Variants in RAD51AP1 observed in about 807,000 individuals in gnomAD.
RAD51AP1 encodes RAD51-associated protein 1.
A neutral mutation model predicts 34.3 loss-of-function variants in RAD51AP1; 14 were observed. The ratio of observed to expected loss-of-function variants is 0.41; its 90% CI spans 0.27 to 0.64. The LOEUF (loss-of-function observed/expected upper bound fraction) is 0.64, where lower values mean the gene tolerates loss of function less well. Among genes scored for constraint, RAD51AP1 ranks in the 30% least tolerant of loss-of-function variants. The pLI, the probability that RAD51AP1 is intolerant of heterozygous loss-of-function variation, is 0.33. For synonymous variants in RAD51AP1, 114 were observed against 129.8 expected (o/e 0.88, Z 0.83); for missense variants, 348 against 386.9 (o/e 0.90, Z 0.84).
At chr12:4,548,616 T>G (rs1944523808) in intron 5 of RAD51AP1, 71 bp from the exon 6 acceptor site, 2 of 1,503,032 alleles carry the variant, frequency 1.3e-6, no homozygotes, top group African/African-American at 2.8e-5. Context: ...TGTAATAGAG[T>G]CTGGTCTGCA....
Position 4,541,870 on chromosome 12 carries a change from T to C in RAD51AP1, c.18-14T>C, listed in dbSNP as rs753521047. 2.1e-6 allele frequency: 3 copies of C among 1,422,526 alleles called. No individual in the cohort carries two copies. The highest frequency in any genetic ancestry group is 2.8e-6 in the Non-Finnish European group (3 of 1,070,580). The allele number at this position is 1,422,526 out of a possible 1,614,324, so 88.1% of individuals were successfully genotyped here. A position where few individuals can be genotyped will look rare whatever the true frequency, so the allele number is the denominator to read the frequency against. On this transcript the variant is annotated splice_polypyrimidine_tract_variant and intron_variant, in intron 1 of 8. Transcript: ENST00000352618. ...GACATTTGTGTTAATGAAAAAATTC[T>C]GTTTTGGTCATAGACATAAGAAACC... is the stretch of plus-strand genomic sequence containing the variant.
At chr12:4,545,372 C>T (rs963563546) in intron 3 of RAD51AP1, 10 of 331,312 alleles carry the variant, frequency 3.0e-5, no homozygotes, top group East Asian at 8.0e-5. Context: ...TCCATAGAAA[C>T]GGAAAGCAGA....
intron 3 of RAD51AP1, chr12:4,545,085 A>C: frequency 3.0e-6 from 1 of 330,568 alleles, no homozygotes; most frequent in Non-Finnish European, 6.0e-6. Flanking sequence ...ATATGCCCAC[A>C]CAAAAACCCA....
At chr12:4,552,958 T>G (rs182321018) in intron 6 of RAD51AP1, 25 bp from the exon 7 acceptor site, 5 of 1,528,968 alleles carry the variant, frequency 3.3e-6, no homozygotes, top group Non-Finnish European at 4.4e-6. Context: ...AGAGCAAAGA[T>G]GAACTATATA....
intron 7 of RAD51AP1, among the ~76,000 whole-genome samples, chr12:4,553,952 A>G (rs536273180): frequency 6.6e-6 from 1 of 152,284 alleles, no homozygotes; most frequent in South Asian, 2.1e-4. Flanking sequence ...CCTGTTGCTG[A>G]GTACTTACTA....
Position 4,552,958 on chromosome 12 carries a change from T to C in RAD51AP1, c.557-25T>C, listed in dbSNP as rs182321018. ...GAATCCTCACTTTTTAGAGCAAAGATGAACTATATAATCTTCTGTTTTAGG... is the reference window on the plus strand; with the variant it reads ...GAATCCTCACTTTTTAGAGCAAAGACGAACTATATAATCTTCTGTTTTAGG... On this transcript the variant is annotated intron_variant, in intron 6 of 8. Transcript: ENST00000352618. The C allele has an allele frequency of 2.0e-3, 3,019 of 1,529,060 alleles. 6 individuals carry two copies. The highest frequency in any genetic ancestry group is 2.4e-3 in the Non-Finnish European group (2,731 of 1,143,304). 94.7% of individuals were successfully genotyped at this position (1,529,060 alleles called of 1,614,324 possible). A position where few individuals can be genotyped will look rare whatever the true frequency, so the allele number is the denominator to read the frequency against.
intron 1 of RAD51AP1, among the ~76,000 whole-genome samples, chr12:4,540,459 C>T (rs1018506893): frequency 2.6e-5 from 4 of 151,638 alleles, no homozygotes; most frequent in African/African-American, 9.7e-5. Flanking sequence ...CTGCAGTGAC[C>T]CCGATAAAAC....
intron 1 of RAD51AP1, among the ~76,000 whole-genome samples, chr12:4,539,885 T>C (rs1208858519): frequency 6.6e-6 from 1 of 152,160 alleles, no homozygotes; most frequent in Non-Finnish European, 1.5e-5. Flanking sequence ...TGGAGGGTTT[T>C]AAGTAGGGGA....
chr12:4,555,575 C>T (rs1944576288), intron 7 of RAD51AP1, among the ~76,000 whole-genome samples: 1 of 152,196 alleles, frequency 6.6e-6, no homozygotes, highest in Non-Finnish European at 1.5e-5. Flanking sequence ...GTCTATCTCT[C>T]ACATTTCCTA....
In RAD51AP1 at chr12:4,559,214, T is replaced by C; in HGVS notation, c.*221T>C. On this transcript the variant is annotated 3_prime_UTR_variant, in exon 9 of 9. Transcript: ENST00000352618. ...AAGAATTATCTTCTCATACCTTTCCTTGTGAAGAGCGTATTCTGTTTTTCT... is the reference window on the plus strand; with the variant it reads ...AAGAATTATCTTCTCATACCTTTCCCTGTGAAGAGCGTATTCTGTTTTTCT... The C allele has an allele frequency of 2.2e-6, 1 of 464,776 alleles. No homozygotes were observed. The highest frequency in any genetic ancestry group is 3.7e-6 in the Non-Finnish European group (1 of 267,758). The allele number at this position is 464,776 out of a possible 1,614,324, so 28.8% of individuals were successfully genotyped here. A position where few individuals can be genotyped will look rare whatever the true frequency, so the allele number is the denominator to read the frequency against.
intron 2 of RAD51AP1, among the ~76,000 whole-genome samples, chr12:4,543,070 C>CT (rs1282157860): frequency 4.6e-5 from 7 of 151,416 alleles, no homozygotes; most frequent in Admixed American, 1.3e-4. Context: ...TTTTTTTTCT[C>CT]TTTTTTTTGA....
At chr12:4,540,722 T>G (rs1944460628) in intron 1 of RAD51AP1, among the ~76,000 whole-genome samples, 2 of 152,212 alleles carry the variant, frequency 1.3e-5, no homozygotes, top group Admixed American at 6.5e-5. Flanking sequence ...CACATTTTAT[T>G]CAGCTCTAAC....
intron 3 of RAD51AP1, among the ~76,000 whole-genome samples, chr12:4,545,624 T>G (rs993892253): frequency 6.6e-6 from 1 of 152,240 alleles, no homozygotes; most frequent in Non-Finnish European, 1.5e-5. Flanking sequence ...ATCTCAGTGC[T>G]TCTTCCTTTA....
In RAD51AP1 at chr12:4,543,848, C is replaced by A; in HGVS notation, c.153C>A (p.Asn51Lys). 6.2e-7 allele frequency: 1 copy of A among 1,612,682 alleles called. No homozygotes were observed. Among genetic ancestry groups the A allele is most frequent in the Non-Finnish European group, 8.5e-7 (1 of 1,179,080 alleles). Residue 51 changes from asparagine to lysine, a missense_variant, in exon 3 of 9, where the codon AAC becomes AAA. By Grantham distance (94) the Asn-to-Lys change is moderately conservative. Coordinates refer to ENST00000352618, the MANE Select transcript of RAD51AP1 (RefSeq NM_006479.5). ...TAAAACAAGATAAACCAAAACCTAA[C>A]TTGAACAATCTCCGGAAAGAAGAAA... Reference protein sequence around the residue: ...KELKQDKPKPNLNNLRKEEIP... With the variant: ...KELKQDKPKPKLNNLRKEEIP...
rs373576408 is a variant in RAD51AP1 at position 4,546,274 on chromosome 12, T to C, written c.210-35T>C. On this transcript the variant is annotated intron_variant, in intron 3 of 8. Coordinates refer to ENST00000352618, the MANE Select transcript of RAD51AP1 (RefSeq NM_006479.5). The stretch of plus-strand genomic sequence containing the variant: ...TGCTCTTTAGTTGAGATTGATATTT[T>C]GAAGAACTCATTATTACTTGTGTAT... 3.5e-6 allele frequency: 5 copies of C among 1,432,208 alleles called. No homozygotes were observed. The African/African-American group carries it at 7.1e-5, about 20-fold the overall frequency. The allele number at this position is 1,432,208 out of a possible 1,614,324, so 88.7% of individuals were successfully genotyped here.
At chr12:4,548,610 A>T in intron 5 of RAD51AP1, 77 bp from the exon 6 acceptor site, 1 of 1,488,640 alleles carries the variant, frequency 6.7e-7, no homozygotes, top group Non-Finnish European at 9.2e-7. Context: ...AATAGCTGTA[A>T]TAGAGTCTGG....
intron 5 of RAD51AP1, 149 bp from the exon 6 acceptor site, chr12:4,548,538 C>T (rs1407620087): frequency 1.1e-6 from 1 of 917,728 alleles, no homozygotes; most frequent in Non-Finnish European, 1.6e-6. Flanking sequence ...ATGGTTGACC[C>T]AGATTGGGCT....
intron 3 of RAD51AP1, 72 bp downstream of exon 3, chr12:4,543,976 C>G: frequency 1.6e-6 from 2 of 1,288,930 alleles, no homozygotes; most frequent in Non-Finnish European, 2.1e-6. Flanking sequence ...GATTCGAACC[C>G]TTGATTTAAA....
intron 3 of RAD51AP1, among the ~76,000 whole-genome samples, chr12:4,544,608 TGTGA>T (rs1328944815): frequency 2.0e-5 from 3 of 152,318 alleles, no homozygotes; most frequent in East Asian, 1.9e-4. Flanking sequence ...GGTTTTTGTT[TGTGA>T]GTTTCTTGTA....
Sources: allele counts gnomAD v4.1 joint callset (sites outside exome capture counted in the v4.1 genomes callset), GRCh38; gene constraint gnomAD v4.1.1; transcripts MANE v1.5; gene names NCBI Gene and HGNC (gene_info 2026-07-23, HGNC 2026-07-21).